LDLRAD3: variants seen among roughly 807,000 people sequenced by gnomAD.
The protein encoded by LDLRAD3 is low-density lipoprotein receptor class A domain-containing protein 3.
A neutral mutation model predicts 29.4 loss-of-function variants in LDLRAD3; 20 were observed. That is an observed-to-expected ratio of 0.68 (90% CI 0.48 to 0.99). The LOEUF is 0.99. Ranked by LOEUF, LDLRAD3 falls within the 50% of genes least tolerant of loss-of-function variation. LDLRAD3 has a pLI of 0.00. For synonymous variants in LDLRAD3, 157 were observed against 192.7 expected (o/e 0.81, Z 1.53); for missense variants, 420 against 454.3 (o/e 0.92, Z 0.69).
intron 4 of LDLRAD3, among the ~76,000 whole-genome samples, chr11:36,215,091 G>A (rs537297323): frequency 2.6e-3 from 389 of 152,310 alleles, no homozygotes; most frequent in Non-Finnish European, 3.9e-3. Context: ...GTCTTGAATG[G>A]AATTGTGAGT....
chr11:36,125,055 C>T (rs1264939386), intron 4 of LDLRAD3, among the ~76,000 whole-genome samples: 1 of 152,150 alleles, frequency 6.6e-6, no homozygotes, highest in East Asian at 1.9e-4. Flanking sequence ...ACCCGTTCTA[C>T]CTTAGCTGTT....
chr11:36,105,234 TGTGTGA>T lies in LDLRAD3; in HGVS notation c.454+6775_454+6780del, dbSNP rs1360144036. Among the ~76,000 whole-genome samples, 97 of 147,384 alleles carry T rather than the reference TGTGTGA, an allele frequency of 6.6e-4. 1 individual carries two copies. The highest frequency in any genetic ancestry group is 3.6e-3 in the East Asian group (18 of 4,984). On this transcript the variant is annotated intron_variant, in intron 4 of 5. Transcript: ENST00000315571. ...GTGTGTGTGTGTGTGTGTGTGTGTGTGTGTGAGAGAGAGAGAGAGAGAGAGAGAAAG... is the reference window on the plus strand; with the variant it reads ...GTGTGTGTGTGTGTGTGTGTGTGTGTGAGAGAGAGAGAGAGAGAGAGAAAG...
At chr11:36,071,592 A>G (rs1378971666) in intron 2 of LDLRAD3, among the ~76,000 whole-genome samples, 1 of 151,730 alleles carries the variant, frequency 6.6e-6, no homozygotes, top group Non-Finnish European at 1.5e-5. Context: ...GTCACAACAT[A>G]TTATGTAGCA....
At position 35,988,152 on chromosome 11, in the gene LDLRAD3, G is replaced by A. The variant is rs113028487; in HGVS notation, c.46+44008G>A. On this transcript the variant is annotated intron_variant, in intron 1 of 5. Transcript: ENST00000315571. ...AACTCACTGCAGTCTCAATCTCGTC[G>A]GGTCAAGCCATCCTCCCATCTTAGC... 0.015 allele frequency among the ~76,000 whole-genome samples: 2,251 copies of A among 152,180 alleles called. 106 individuals are homozygous for A. In the East Asian group the frequency reaches 0.15, roughly 10 times the overall value.
At chr11:35,993,078 G>A (rs192050388) in intron 1 of LDLRAD3, among the ~76,000 whole-genome samples, 38 of 152,066 alleles carry the variant, frequency 2.5e-4, no homozygotes, top group Middle Eastern at 3.4e-3. Context: ...AAAAAATGGC[G>A]TCCCAGTGCT....
intron 1 of LDLRAD3, among the ~76,000 whole-genome samples, chr11:36,016,278 T>C (rs565984686): frequency 6.6e-6 from 1 of 152,352 alleles, no homozygotes; most frequent in South Asian, 2.1e-4. Flanking sequence ...AACTCATTAA[T>C]AAGCAGTCAC....
chr11:36,102,355 C>T (rs1488631684), intron 4 of LDLRAD3, among the ~76,000 whole-genome samples: 1 of 152,072 alleles, frequency 6.6e-6, no homozygotes. Flanking sequence ...GATATTTTAT[C>T]ATATTTATCT....
chr11:36,198,693 G>A (rs1855071119), intron 4 of LDLRAD3, among the ~76,000 whole-genome samples: 1 of 152,138 alleles, frequency 6.6e-6, no homozygotes, highest in African/African-American at 2.4e-5. Flanking sequence ...TATTTGCAAG[G>A]CTACCTCCTG....
At chr11:36,081,384 T>A (rs1565209088) in intron 2 of LDLRAD3, among the ~76,000 whole-genome samples, 1 of 152,232 alleles carries the variant, frequency 6.6e-6, no homozygotes, top group African/African-American at 2.4e-5. Context: ...CATGGCTTTG[T>A]TCAGCACATT....
chr11:36,210,970 A>T (rs1243581688), intron 4 of LDLRAD3, among the ~76,000 whole-genome samples: 1 of 152,212 alleles, frequency 6.6e-6, no homozygotes, highest in Non-Finnish European at 1.5e-5. Context: ...TAGTTACCTC[A>T]TGCTGATTGC....
intron 1 of LDLRAD3, among the ~76,000 whole-genome samples, chr11:36,028,953 G>A (rs262436): frequency 0.52 from 79,015 of 151,962 alleles, 20,731 homozygotes; most frequent in Admixed American, 0.58. Context: ...GGAGTAAAAA[G>A]GAACTGAAGG....
intron 4 of LDLRAD3, among the ~76,000 whole-genome samples, chr11:36,183,811 A>C (rs994044424): frequency 6.6e-6 from 1 of 151,970 alleles, no homozygotes; most frequent in African/African-American, 2.4e-5. Flanking sequence ...TGCGTTCTGA[A>C]TAATTCTTCT....
At position 36,082,034 on chromosome 11, in the gene LDLRAD3, G is replaced by A. The variant is rs1395825620; in HGVS notation, c.319+256G>A. The stretch of plus-strand genomic sequence containing the variant: ...TTCTGACAATAGCTCTGCAAATGCA[G>A]ATGTATTATCCTTAGTTAACAGATA... On this transcript the variant is annotated intron_variant, in intron 3 of 5. Transcript: ENST00000315571. Among the ~76,000 whole-genome samples the A allele has an allele frequency of 3.3e-5, 5 of 152,352 alleles. No homozygotes were observed. In the East Asian group the frequency reaches 9.6e-4, roughly 29 times the overall value.
chr11:36,097,498 C>A (rs1357969008), intron 3 of LDLRAD3, among the ~76,000 whole-genome samples: 6 of 152,176 alleles, frequency 3.9e-5, no homozygotes, highest in African/African-American at 9.7e-5. Context: ...TTTGCCCAGA[C>A]CCCTCAGTGG....
chr11:36,154,582 CT>C (rs1279301241), intron 4 of LDLRAD3, among the ~76,000 whole-genome samples: 1 of 152,180 alleles, frequency 6.6e-6, no homozygotes, highest in Non-Finnish European at 1.5e-5. Flanking sequence ...CCTGTGTTTC[CT>C]GAACTTAATT....
intron 4 of LDLRAD3, among the ~76,000 whole-genome samples, chr11:36,216,478 A>G (rs545637969): frequency 6.6e-6 from 1 of 152,370 alleles, no homozygotes; most frequent in Admixed American, 6.5e-5. Flanking sequence ...ACTTTGTGCC[A>G]GACACCACTT....
chr11:36,046,939 C>G (rs1295797795), intron 2 of LDLRAD3, among the ~76,000 whole-genome samples: 2 of 151,992 alleles, frequency 1.3e-5, no homozygotes, highest in African/African-American at 4.8e-5. Context: ...ACTCTTTTTT[C>G]TTCTATAATC....
intron 4 of LDLRAD3, among the ~76,000 whole-genome samples, chr11:36,116,178 C>A (rs999497367): frequency 1.6e-4 from 24 of 152,210 alleles, no homozygotes; most frequent in African/African-American, 5.5e-4. Context: ...CCCTATATAA[C>A]CAGCAACCAT....
chr11:36,199,597 G>GCA (rs199839761), intron 4 of LDLRAD3, among the ~76,000 whole-genome samples: 1,805 of 148,760 alleles, frequency 0.012, 41 homozygotes, highest in African/African-American at 0.043. Flanking sequence ...ACGCACGCAC[G>GCA]CGTGCGCGCA....
Sources: gnomAD v4.1 joint callset for allele counts (sites outside exome capture counted in the v4.1 genomes callset) on GRCh38, gnomAD v4.1.1 for gene constraint, MANE v1.5 for transcripts, NCBI Gene and HGNC (gene_info 2026-07-23, HGNC 2026-07-21) for gene names.